ADGRB3: variants seen among roughly 807,000 people sequenced by gnomAD.
The protein encoded by ADGRB3 is adhesion G protein-coupled receptor B3.
ADGRB3 carries 37 observed loss-of-function variants against 193.4 expected under a neutral mutation model. That is an observed-to-expected ratio of 0.19 (90% confidence interval 0.15 to 0.25). ADGRB3 has a LOEUF of 0.25. Ranked by LOEUF, ADGRB3 falls within the 10% of genes least tolerant of loss-of-function variation. The pLI is 1.00. For synonymous variants in ADGRB3, 690 were observed against 644.2 expected, an observed-to-expected ratio of 1.07 and a Z score of -1.08; for missense variants, 1,637 against 1,852.9, an observed-to-expected ratio of 0.88 and a Z score of 2.14.
In ADGRB3 at chr6:68,771,433, C is replaced by T. The variant is rs1056139429; in HGVS notation, c.757+132001C>T. Among the ~76,000 whole-genome samples, 3 of 151,904 alleles carry T rather than the reference C, an allele frequency of 2.0e-5. No homozygotes were observed. In the South Asian group the frequency reaches 6.2e-4, roughly 32 times the overall value. On this transcript the variant is annotated intron_variant, in intron 3 of 31. Transcript: ENST00000370598. The stretch of plus-strand genomic sequence containing the variant: ...ACACATATATGTATACACACACATA[C>T]ATATGTTTGCTCATATATAGAATTA...
At chr6:68,852,808 A>G (rs758305267) in intron 3 of ADGRB3, among the ~76,000 whole-genome samples, 14 of 152,034 alleles carry the variant, frequency 9.2e-5, no homozygotes, top group Non-Finnish European at 2.1e-4. Context: ...ATTTAGTTGG[A>G]AATGAATTAA....
intron 15 of ADGRB3, among the ~76,000 whole-genome samples, chr6:69,056,736 G>A (rs1007498259): frequency 2.6e-5 from 4 of 152,180 alleles, no homozygotes; most frequent in African/African-American, 7.2e-5. Context: ...CACCCTTGTC[G>A]AGGATCATTT....
At chr6:69,360,617 A>G (rs1370795850) in intron 28 of ADGRB3, among the ~76,000 whole-genome samples, 1 of 151,952 alleles carries the variant, frequency 6.6e-6, no homozygotes, top group Non-Finnish European at 1.5e-5. Flanking sequence ...TTGAAAGCCC[A>G]TTAATCAACT....
At chr6:69,089,827 T>C (rs982821124) in intron 17 of ADGRB3, among the ~76,000 whole-genome samples, 1 of 152,160 alleles carries the variant, frequency 6.6e-6, no homozygotes, top group African/African-American at 2.4e-5. Context: ...TGGATGCCAG[T>C]AACTCTCCTG....
chr6:68,961,444 C>T (rs1439761252), intron 8 of ADGRB3, among the ~76,000 whole-genome samples: 10 of 152,146 alleles, frequency 6.6e-5, no homozygotes, highest in African/African-American at 2.4e-4. Flanking sequence ...AATATATACA[C>T]ATACACTTAT....
At chr6:68,911,252 C>T (rs1172764987) in intron 3 of ADGRB3, among the ~76,000 whole-genome samples, 1 of 130,916 alleles carries the variant, frequency 7.6e-6, no homozygotes, top group Admixed American at 9.4e-5. Context: ...GAACATCACA[C>T]ACCGGGGCCT....
At chr6:68,923,039 A>G (rs996451704) in intron 3 of ADGRB3, among the ~76,000 whole-genome samples, 1 of 152,250 alleles carries the variant, frequency 6.6e-6, no homozygotes, top group South Asian at 2.1e-4. Context: ...GTTAAGATGG[A>G]ATTAGAGTTA....
chr6:69,035,756 T>TG (rs1770849893), intron 13 of ADGRB3, among the ~76,000 whole-genome samples: 1 of 152,132 alleles, frequency 6.6e-6, no homozygotes, highest in African/African-American at 2.4e-5. Flanking sequence ...ACAGTCAAGG[T>TG]GGGCATGAGA....
chr6:69,142,881 C>A (rs1774379089), intron 17 of ADGRB3, among the ~76,000 whole-genome samples: 1 of 151,988 alleles, frequency 6.6e-6, no homozygotes, highest in African/African-American at 2.4e-5. Flanking sequence ...CAATTTTTTT[C>A]TTTGTTATAC....
chr6:69,362,467 C>T (rs1445873267), intron 29 of ADGRB3, among the ~76,000 whole-genome samples: 5 of 151,886 alleles, frequency 3.3e-5, no homozygotes, highest in African/African-American at 9.7e-5. Context: ...CTCCCCAAAG[C>T]CATTCCTTCC....
At chr6:69,082,313 G>A (rs1481458993) in intron 17 of ADGRB3, among the ~76,000 whole-genome samples, 3 of 151,984 alleles carry the variant, frequency 2.0e-5, no homozygotes, top group African/African-American at 7.2e-5. Context: ...GGTAAGGGTA[G>A]GATGTCCAAG....
chr6:68,827,658 G>GT lies in ADGRB3; in HGVS notation c.758-102893dup, dbSNP rs547890152. 1.6e-3 allele frequency among the ~76,000 whole-genome samples: 242 copies of GT among 151,618 alleles called. 1 individual carries two copies. The highest frequency in any genetic ancestry group is 3.0e-3 in the Non-Finnish European group (201 of 67,850). On this transcript the variant is annotated intron_variant, in intron 3 of 31. Transcript: ENST00000370598. Reference sequence around the variant, plus strand: ...ATTTAAAAGGATGTTTATCTTCAGGGTTTTTTTTGGGGGGGAGGGGGTTCT... The same window carrying GT: ...ATTTAAAAGGATGTTTATCTTCAGGGTTTTTTTTTGGGGGGGAGGGGGTTCT...
intron 6 of ADGRB3, among the ~76,000 whole-genome samples, chr6:68,955,525 C>T (rs181592438): frequency 9.2e-4 from 140 of 152,308 alleles, no homozygotes; most frequent in Non-Finnish European, 1.0e-4. Flanking sequence ...CATAGTGGCT[C>T]ACGCCTGTAA....
intron 17 of ADGRB3, among the ~76,000 whole-genome samples, chr6:69,165,017 G>A (rs1775095358): frequency 6.6e-6 from 1 of 151,682 alleles, no homozygotes; most frequent in Admixed American, 6.6e-5. Flanking sequence ...ATTCTGCCTG[G>A]AGGCTTCACA....
intron 8 of ADGRB3, among the ~76,000 whole-genome samples, chr6:68,970,069 C>G (rs12525831): frequency 0.086 from 13,163 of 152,198 alleles, 720 homozygotes; most frequent in Non-Finnish European, 0.13. Flanking sequence ...ATTGTTTCCT[C>G]TGCCTGGAGC....
intron 17 of ADGRB3, among the ~76,000 whole-genome samples, chr6:69,151,911 T>C (rs1335446528): frequency 6.6e-6 from 1 of 152,162 alleles, no homozygotes; most frequent in Non-Finnish European, 1.5e-5. Flanking sequence ...GTTCTTGTGA[T>C]AGTGAGTTCT....
At position 68,772,888 on chromosome 6, in the gene ADGRB3, AAAAAAAATATATATATAT is replaced by A. The variant is rs1233967652; in HGVS notation, c.757+133458_757+133475del. Among the ~76,000 whole-genome samples, 12 of 51,924 alleles carry A rather than the reference AAAAAAAATATATATATAT, an allele frequency of 2.3e-4. No individual in the cohort carries two copies. In the South Asian group the frequency reaches 2.5e-3, roughly 11 times the overall value. 34.1% of individuals were successfully genotyped at this position (51,924 alleles called of 152,430 possible). The stretch of plus-strand genomic sequence containing the variant: ...AAACAAACAAACAAACAAACAAAAA[AAAAAAAATATATATATAT>A]ATATATATATATATATATATATATA... On this transcript the variant is annotated intron_variant, in intron 3 of 31. Transcript: ENST00000370598.
chr6:69,361,244 A>G lies in ADGRB3; in HGVS notation c.3971A>G (p.Glu1324Gly). 6.2e-7 allele frequency: 1 copy of G among 1,612,864 alleles called. No individual in the cohort carries two copies. The highest frequency in any genetic ancestry group is 8.5e-7 in the Non-Finnish European group (1 of 1,179,300). The change falls in exon 29 of 32, where the codon GAA (glutamate) becomes GGA (glycine). Residue 1324 changes from glutamate (E) to glycine (G), a missense_variant. This residue lies in a region of ADGRB3 where 368 missense variants were observed against 367.4 expected (regional missense o/e 1.00). Coordinates refer to ENST00000370598, the MANE Select transcript of ADGRB3 (RefSeq NM_001704.3). ...GTAAATAACCAGCCTTCAATGAAAG[A>G]AGAAAGCAAAATGAATATTGGCATG... ...SSVNNQPSMK[E>G]ESKMNIGMET...
chr6:69,204,673 A>G (rs1391820510), intron 17 of ADGRB3, among the ~76,000 whole-genome samples: 3 of 152,172 alleles, frequency 2.0e-5, no homozygotes, highest in African/African-American at 7.2e-5. Flanking sequence ...CTTTGTTCAT[A>G]TTCTTATTTT....
Sources: allele counts gnomAD v4.1 joint callset (sites outside exome capture counted in the v4.1 genomes callset), GRCh38; gene constraint gnomAD v4.1.1; regional missense constraint gnomAD v4.1.1; transcripts MANE v1.5; gene names NCBI Gene and HGNC (gene_info 2026-07-23, HGNC 2026-07-21).